CACNB2: variants seen among roughly 807,000 people sequenced by gnomAD.
CACNB2 encodes the protein voltage-dependent L-type calcium channel subunit beta-2.
A neutral mutation model predicts 73.3 loss-of-function variants in CACNB2; 42 were observed. The observed-to-expected ratio is 0.57, with a 90% confidence interval of 0.45 to 0.74. CACNB2 has a LOEUF of 0.74. Among genes scored for constraint, CACNB2 ranks in the 30% least tolerant of loss-of-function variants. CACNB2 has a pLI of 0.00. For missense variants in CACNB2, 940 were observed against 853.0 expected (o/e 1.10, Z -1.27); for synonymous variants, 348 against 310.3 (o/e 1.12, Z -1.28).
intron 2 of CACNB2, among the ~76,000 whole-genome samples, chr10:18,310,605 C>CAAAAAAAAAAAAAAAAAAAAAAAATAA (rs1157466238): frequency 2.7e-5 from 1 of 36,858 alleles, no homozygotes; most frequent in African/African-American, 1.3e-4. Flanking sequence ...AACTCCATCT[C>CAAAAAAAAAAAAAAAAAAAAAAAATAA]AAAAAAAAAA....
chr10:18,165,438 A>G (rs2032783682), intron 2 of CACNB2, among the ~76,000 whole-genome samples: 1 of 152,206 alleles, frequency 6.6e-6, no homozygotes, highest in South Asian at 2.1e-4. Flanking sequence ...TGAGGTGCAA[A>G]GGCACGATCT....
chr10:18,302,640 G>T (rs2039570211), intron 2 of CACNB2, among the ~76,000 whole-genome samples: 1 of 152,158 alleles, frequency 6.6e-6, no homozygotes, highest in African/African-American at 2.4e-5. Flanking sequence ...ACCGTAAGTG[G>T]CAGCTAAGCT....
chr10:18,467,388 T>G (rs1047566451), intron 3 of CACNB2, among the ~76,000 whole-genome samples: 1 of 152,166 alleles, frequency 6.6e-6, no homozygotes, highest in South Asian at 2.1e-4. Flanking sequence ...AAGTCTAACT[T>G]TGAGGTCCAC....
chr10:18,151,190 G>C, intron 2 of CACNB2: 1 of 495,822 alleles, frequency 2.0e-6, no homozygotes, highest in Non-Finnish European at 3.5e-6. Context: ...GTTGAGGAAA[G>C]AGAAGTGTGG....
At chr10:18,292,945 G>T (rs932823170) in intron 2 of CACNB2, among the ~76,000 whole-genome samples, 2 of 152,020 alleles carry the variant, frequency 1.3e-5, no homozygotes, top group African/African-American at 4.8e-5. Context: ...TCATCATTAT[G>T]GTTTTTTGGC....
At chr10:18,376,359 G>A (rs1296025538) in intron 2 of CACNB2, among the ~76,000 whole-genome samples, 1 of 152,096 alleles carries the variant, frequency 6.6e-6, no homozygotes, top group Non-Finnish European at 1.5e-5. Context: ...GAAAGGTTGT[G>A]GTAGGGGCAG....
intron 2 of CACNB2, among the ~76,000 whole-genome samples, chr10:18,397,571 C>T (rs914914506): frequency 5.3e-5 from 8 of 151,604 alleles, no homozygotes; most frequent in African/African-American, 1.5e-4. Context: ...AAAAATTAGC[C>T]GAGTGTGGTG....
At chr10:18,229,704 C>T (rs911187097) in intron 2 of CACNB2, among the ~76,000 whole-genome samples, 1 of 151,838 alleles carries the variant, frequency 6.6e-6, no homozygotes, top group African/African-American at 2.4e-5. Flanking sequence ...GTAAACAGTC[C>T]TAATTTTTAG....
At position 18,413,736 on chromosome 10, in the gene CACNB2, A is replaced by C. The variant is rs368106768; in HGVS notation, c.333+11693A>C. Among the ~76,000 whole-genome samples the C allele has an allele frequency of 3.9e-5, 6 of 152,318 alleles. No homozygotes were observed. In the East Asian group the frequency reaches 9.7e-4, roughly 25 times the overall value. On this transcript the variant is annotated intron_variant, in intron 3 of 13. Transcript: ENST00000324631. ...GGAATGGCTGCCTGACTTTTTGATAAATTACAGGTGAAGCTAAGTTTTGCC... is the reference window on the plus strand; with the variant it reads ...GGAATGGCTGCCTGACTTTTTGATACATTACAGGTGAAGCTAAGTTTTGCC...
intron 2 of CACNB2, among the ~76,000 whole-genome samples, chr10:18,379,457 G>A (rs567865992): frequency 1.1e-3 from 171 of 152,110 alleles, no homozygotes; most frequent in Middle Eastern, 3.4e-3. Context: ...CAGGCGATCC[G>A]CCTGCCTCAG....
At chr10:18,465,323 C>G (rs1016920509) in intron 3 of CACNB2, among the ~76,000 whole-genome samples, 4 of 152,164 alleles carry the variant, frequency 2.6e-5, no homozygotes, top group Non-Finnish European at 5.9e-5. Context: ...AAGCAAGACT[C>G]TGTCTCAGTA....
At chr10:18,426,690 A>G (rs1393240675) in intron 3 of CACNB2, among the ~76,000 whole-genome samples, 4 of 152,206 alleles carry the variant, frequency 2.6e-5, no homozygotes, top group Non-Finnish European at 5.9e-5. Context: ...AATTAAAAAT[A>G]AATTAAAAAA....
chr10:18,166,297 C>T (rs2032846633), intron 2 of CACNB2, among the ~76,000 whole-genome samples: 1 of 151,794 alleles, frequency 6.6e-6, no homozygotes, highest in East Asian at 1.9e-4. Flanking sequence ...TAGTTCTATC[C>T]CAGGCTGAAG....
chr10:18,324,182 C>T (rs1002540942), intron 2 of CACNB2, among the ~76,000 whole-genome samples: 8 of 152,120 alleles, frequency 5.3e-5, no homozygotes, highest in South Asian at 2.1e-4. Context: ...TGAGGAGCTT[C>T]GGCATTACAG....
rs373958322 is a variant in CACNB2, at chr10:18,526,171, T to C, written c.945-1417T>C. Among the ~76,000 whole-genome samples the C allele has an allele frequency of 9.8e-5, 15 of 152,344 alleles. No homozygotes were observed. In the East Asian group the frequency reaches 2.7e-3, roughly 27 times the overall value. On this transcript the variant is annotated intron_variant, in intron 9 of 13. Transcript: ENST00000324631. Reference sequence around the variant, plus strand: ...GATAATTTACACAGGAAACCTCCAATATCATTATCTTTGGGTCCTTACAAT... The same window carrying C: ...GATAATTTACACAGGAAACCTCCAACATCATTATCTTTGGGTCCTTACAAT...
In CACNB2 at chr10:18,506,467, C is replaced by A; in HGVS notation, c.594-4C>A. ...ATTTAATAGAAATTTTTGCTTTACT[C>A]CAGTAAATCAGGAGGAAATTCATCA... On this transcript the variant is annotated splice_region_variant and splice_polypyrimidine_tract_variant and intron_variant, in intron 5 of 13. Coordinates refer to ENST00000324631, the MANE Select transcript of CACNB2 (RefSeq NM_201596.3). 6.2e-7 allele frequency: 1 copy of A among 1,600,350 alleles called. No individual in the cohort carries two copies. The highest frequency in any genetic ancestry group is 8.6e-7 in the Non-Finnish European group (1 of 1,167,756).
At chr10:18,194,135 G>A (rs2034524096) in intron 2 of CACNB2, among the ~76,000 whole-genome samples, 1 of 152,108 alleles carries the variant, frequency 6.6e-6, no homozygotes, top group Non-Finnish European at 1.5e-5. Flanking sequence ...ATGCCTCTGA[G>A]CTCACTGCTG....
chr10:18,258,048 C>T (rs1431881716), intron 2 of CACNB2, among the ~76,000 whole-genome samples: 1 of 152,160 alleles, frequency 6.6e-6, no homozygotes, highest in Non-Finnish European at 1.5e-5. Flanking sequence ...CCAGCCTCCT[C>T]AGTTCTTATA....
At chr10:18,519,838 C>T (rs1242405427) in intron 9 of CACNB2, 1 of 421,490 alleles carries the variant, frequency 2.4e-6, no homozygotes, top group Non-Finnish European at 4.7e-6. Context: ...CCATGACCTT[C>T]ACATTGCTAA....
Sources: allele counts gnomAD v4.1 joint callset (sites outside exome capture counted in the v4.1 genomes callset), GRCh38; gene constraint gnomAD v4.1.1; transcripts MANE v1.5; gene names NCBI Gene and HGNC (gene_info 2026-07-23, HGNC 2026-07-21).